Variants in FOXP2 observed in about 807,000 individuals in gnomAD.
FOXP2 encodes forkhead box protein P2.
FOXP2 carries 12 observed loss-of-function variants against 115.8 expected under a neutral mutation model. The observed-to-expected ratio is 0.10, with a 90% CI of 0.07 to 0.17. The LOEUF is 0.17. Ranked by LOEUF, FOXP2 falls within the 10% of genes least tolerant of loss-of-function variation. FOXP2 has a pLI of 1.00. For missense variants in FOXP2, 629 were observed against 843.5 expected (o/e 0.75, Z 3.15); for synonymous variants, 328 against 297.7 (o/e 1.10, Z -1.05).
chr7:114,406,727 C>A (rs141353929), intron 2 of FOXP2, among the ~76,000 whole-genome samples: 1 of 151,930 alleles, frequency 6.6e-6, no homozygotes, highest in Non-Finnish European at 1.5e-5. Flanking sequence ...AGAGTAAAAG[C>A]CATAATGTCT....
At chr7:114,391,064 G>C (rs1263989464) in intron 2 of FOXP2, among the ~76,000 whole-genome samples, 1 of 152,060 alleles carries the variant, frequency 6.6e-6, no homozygotes, top group Non-Finnish European at 1.5e-5. Flanking sequence ...GCAGGTGCCT[G>C]TATTCCCAGG....
chr7:114,313,204 G>GACACCACTA (rs1562866443), intron 2 of FOXP2, among the ~76,000 whole-genome samples: 1 of 152,130 alleles, frequency 6.6e-6, no homozygotes, highest in Non-Finnish European at 1.5e-5. Flanking sequence ...CAAGCTAAAA[G>GACACCACTA]ACACCACTAT....
chr7:114,109,336 C>T (rs1158898837), intron 1 of FOXP2, among the ~76,000 whole-genome samples: 1 of 152,044 alleles, frequency 6.6e-6, no homozygotes, highest in Non-Finnish European at 1.5e-5. Flanking sequence ...TGTTCATCTT[C>T]ATCTTTAATG....
intron 2 of FOXP2, among the ~76,000 whole-genome samples, chr7:114,399,185 G>A (rs566327086): frequency 6.7e-6 from 1 of 148,696 alleles, no homozygotes; most frequent in African/African-American, 2.5e-5. Context: ...TTGACTCACT[G>A]CAACCTCTGC....
intron 1 of FOXP2, among the ~76,000 whole-genome samples, chr7:114,246,646 A>T (rs1201552847): frequency 6.6e-6 from 1 of 152,150 alleles, no homozygotes; most frequent in African/African-American, 2.4e-5. Flanking sequence ...TTGAGCATTT[A>T]CAGTGTAGTT....
intron 1 of FOXP2, among the ~76,000 whole-genome samples, chr7:114,164,658 A>G (rs1200697508): frequency 6.6e-6 from 1 of 152,162 alleles, no homozygotes; most frequent in South Asian, 2.1e-4. Flanking sequence ...TTTTTAAATC[A>G]TTGAACTAGA....
At chr7:114,374,585 T>A (rs1206268993) in intron 2 of FOXP2, among the ~76,000 whole-genome samples, 2 of 152,190 alleles carry the variant, frequency 1.3e-5, no homozygotes, top group African/African-American at 4.8e-5. Flanking sequence ...GGAGCTTGTA[T>A]CCAGCGGAAT....
At chr7:114,630,407 T>C (rs1218040568) in intron 5 of FOXP2, among the ~76,000 whole-genome samples, 1 of 152,122 alleles carries the variant, frequency 6.6e-6, no homozygotes, top group Non-Finnish European at 1.5e-5. Context: ...AGAAACTGGT[T>C]GAGCACAGAT....
chr7:114,193,029 T>C (rs1222562899), intron 1 of FOXP2, among the ~76,000 whole-genome samples: 2 of 152,156 alleles, frequency 1.3e-5, no homozygotes, highest in African/African-American at 2.4e-5. Context: ...CTTAGACCAG[T>C]GGTCCTCCAT....
At chr7:114,529,537 C>A (rs1799036794) in intron 2 of FOXP2, among the ~76,000 whole-genome samples, 1 of 151,710 alleles carries the variant, frequency 6.6e-6, no homozygotes, top group Non-Finnish European at 1.5e-5. Flanking sequence ...GTCTTAGTAT[C>A]TCAATTTGGC....
chr7:114,332,726 C>G (rs1797742012), intron 2 of FOXP2, among the ~76,000 whole-genome samples: 2 of 152,230 alleles, frequency 1.3e-5, no homozygotes, highest in South Asian at 4.1e-4. Flanking sequence ...TTGTTGCCCC[C>G]ATTCATTGTT....
chr7:114,643,351 G>A (rs1302238041), intron 7 of FOXP2, among the ~76,000 whole-genome samples: 3 of 151,996 alleles, frequency 2.0e-5, no homozygotes, highest in Non-Finnish European at 4.4e-5. Context: ...TCAAACATAT[G>A]AATTAGAAAT....
chr7:114,631,305 TAC>T (rs1034888676), intron 5 of FOXP2, among the ~76,000 whole-genome samples: 70 of 152,322 alleles, frequency 4.6e-4, no homozygotes, highest in African/African-American at 1.7e-3. Context: ...CCTTGCTCCA[TAC>T]TTTTTTGATG....
At chr7:114,335,934 T>C (rs1584645928) in intron 2 of FOXP2, among the ~76,000 whole-genome samples, 1 of 151,756 alleles carries the variant, frequency 6.6e-6, no homozygotes, top group African/African-American at 2.4e-5. Flanking sequence ...ACTATGTAGA[T>C]GTGGATGTTT....
At chr7:114,440,011 G>A (rs999635885) in intron 2 of FOXP2, among the ~76,000 whole-genome samples, 1 of 152,056 alleles carries the variant, frequency 6.6e-6, no homozygotes, top group East Asian at 1.9e-4. Context: ...ACCTATCTTC[G>A]AGTAATTCTA....
intron 2 of FOXP2, among the ~76,000 whole-genome samples, chr7:114,378,290 A>G (rs569341650): frequency 6.6e-6 from 1 of 152,198 alleles, no homozygotes; most frequent in South Asian, 2.1e-4. Flanking sequence ...CATAATAGCT[A>G]TACATTGCTA....
chr7:114,419,218 G>A (rs944134960), intron 1 of FOXP2, among the ~76,000 whole-genome samples: 1 of 151,846 alleles, frequency 6.6e-6, no homozygotes, highest in Non-Finnish European at 1.5e-5. Flanking sequence ...TATACTTTAT[G>A]ACATACTGTT....
intron 3 of FOXP2, among the ~76,000 whole-genome samples, chr7:114,575,375 T>C (rs1256588226): frequency 6.6e-6 from 1 of 151,820 alleles, no homozygotes; most frequent in Non-Finnish European, 1.5e-5. Flanking sequence ...GTCAATTCTG[T>C]TGGATGTAAA....
At chr7:114,098,962 A>G (rs1562963624) in intron 1 of FOXP2, among the ~76,000 whole-genome samples, 1 of 152,036 alleles carries the variant, frequency 6.6e-6, no homozygotes, top group Non-Finnish European at 1.5e-5. Flanking sequence ...TGGTGAAACC[A>G]TGTCTCTAGA....
Sources: gnomAD v4.1 joint callset for allele counts (sites outside exome capture counted in the v4.1 genomes callset) on GRCh38, gnomAD v4.1.1 for gene constraint, MANE v1.5 for transcripts, NCBI Gene and HGNC (gene_info 2026-07-23, HGNC 2026-07-21) for gene names.